CLIP1: variants seen among roughly 807,000 people sequenced by gnomAD.
The protein encoded by CLIP1 is CAP-Gly domain-containing linker protein 1.
Under a neutral mutation model 161.6 loss-of-function variants are expected in CLIP1, and 66 were observed. The observed-to-expected ratio is 0.41, with a 90% CI of 0.33 to 0.50. The LOEUF (loss-of-function observed/expected upper bound fraction) is 0.50. Among genes scored for constraint, CLIP1 ranks in the 20% least tolerant of loss-of-function variants. The probability of loss-of-function intolerance (pLI) is 0.27; values close to 1 mark genes in which losing one functional copy is unlikely to be tolerated. For synonymous variants in CLIP1, 598 were observed against 626.2 expected (o/e 0.96, Z 0.67); for missense variants, 1,376 against 1,702.0 (o/e 0.81, Z 3.37).
intron 23 of CLIP1, 85 bp from the exon 24 acceptor site, chr12:122,278,288 G>A: frequency 1.6e-6 from 2 of 1,252,912 alleles, no homozygotes; most frequent in Non-Finnish European, 2.3e-6. Context: ...GCAGTGAAAG[G>A]GCCTGTGTTC....
chr12:122,350,760 A>G (rs1387293990), intron 9 of CLIP1, among the ~76,000 whole-genome samples: 7 of 150,858 alleles, frequency 4.6e-5, no homozygotes, highest in Non-Finnish European at 1.0e-4. Flanking sequence ...CTCCAGCCAG[A>G]TATCATCTCT....
intron 7 of CLIP1, among the ~76,000 whole-genome samples, chr12:122,354,019 C>T (rs1040390665): frequency 6.6e-5 from 10 of 152,126 alleles, no homozygotes; most frequent in Admixed American, 5.2e-4. Context: ...TCACCTTCTG[C>T]TGGACACATA....
chr12:122,329,454 C>T (rs991450668), intron 15 of CLIP1, among the ~76,000 whole-genome samples: 1 of 151,818 alleles, frequency 6.6e-6, no homozygotes, highest in Non-Finnish European at 1.5e-5. Flanking sequence ...CACAGTGAAA[C>T]CCTCTCTCTA....
At chr12:122,385,752 A>C (rs1040365332) in intron 1 of CLIP1, among the ~76,000 whole-genome samples, 1 of 152,184 alleles carries the variant, frequency 6.6e-6, no homozygotes, top group Non-Finnish European at 1.5e-5. Flanking sequence ...TGAATGTTTG[A>C]AGGATGGAGA....
intron 1 of CLIP1, among the ~76,000 whole-genome samples, chr12:122,385,144 G>T (rs1257000440): frequency 6.6e-6 from 1 of 151,980 alleles, no homozygotes; most frequent in Admixed American, 6.6e-5. Flanking sequence ...TATTGGCCAG[G>T]ATGGTCTCAA....
chr12:122,315,798 G>A (rs947677198), intron 19 of CLIP1, among the ~76,000 whole-genome samples: 6 of 151,466 alleles, frequency 4.0e-5, no homozygotes, highest in African/African-American at 1.2e-4. Context: ...CCGCCACCAC[G>A]CCCGGCTAAT....
chr12:122,351,799 G>A lies in CLIP1; in HGVS notation c.1369-656C>T, dbSNP rs114479055. The stretch of plus-strand genomic sequence containing the variant: ...AAACCATCAAAACCATTTAATTCTG[G>A]TGTCTAATTTAAAAACTAATATGAA... On this transcript the variant is annotated intron_variant, in intron 8 of 25. Coordinates refer to ENST00000620786, the MANE Select transcript of CLIP1 (RefSeq NM_001247997.2). Among the ~76,000 whole-genome samples the A allele has an allele frequency of 2.3e-3, 323 of 140,384 alleles. 1 individual carries two copies. Among genetic ancestry groups the A allele is most frequent in the African/African-American group, 7.6e-3 (313 of 41,072 alleles). 92.1% of individuals were successfully genotyped at this position (140,384 alleles called of 152,430 possible).
chr12:122,331,076 A>G (rs1243396979), intron 15 of CLIP1, among the ~76,000 whole-genome samples: 1 of 149,518 alleles, frequency 6.7e-6, no homozygotes, highest in Non-Finnish European at 1.5e-5. Flanking sequence ...GTGCAATGGC[A>G]CTATCTCAGC....
chr12:122,287,335 A>T (rs1168758248), intron 21 of CLIP1, among the ~76,000 whole-genome samples: 2 of 152,210 alleles, frequency 1.3e-5, no homozygotes, highest in African/African-American at 4.8e-5. Flanking sequence ...GTGCTGCGTA[A>T]AACATACGCT....
chr12:122,395,216 C>G (rs896185479), intron 1 of CLIP1, among the ~76,000 whole-genome samples: 3 of 152,172 alleles, frequency 2.0e-5, no homozygotes, highest in African/African-American at 7.2e-5. Flanking sequence ...ACTTTCTATT[C>G]AACTGTGGAG....
chr12:122,288,512 A>G lies in CLIP1; in HGVS notation c.3624T>C (p.Asn1208=). The change falls in exon 21 of 26, where the codon AAT becomes AAC. Residue 1208 remains asparagine (N), a synonymous_variant. Coordinates refer to ENST00000620786, the MANE Select transcript of CLIP1 (RefSeq NM_001247997.2). ...ACCTTTTTTTCATTTCTAACAACTG[A>G]TTATTGAGCACAGATCTTTCTTCTT... is the stretch of plus-strand genomic sequence containing the variant. The part of the protein sequence containing the change: ...KLEEERSVLN[N]QLLEMKKRES... 7 of 1,608,144 alleles carry G rather than the reference A, an allele frequency of 4.4e-6. No homozygotes were observed. The highest frequency in any genetic ancestry group is 5.9e-6 in the Non-Finnish European group (7 of 1,179,800).
intron 6 of CLIP1, 43 bp from the exon 7 acceptor site, chr12:122,354,599 C>T (rs1158222216): frequency 6.7e-7 from 1 of 1,482,830 alleles, no homozygotes; most frequent in Admixed American, 1.7e-5. Flanking sequence ...ATTTCTGACC[C>T]AGATACAGAC....
At position 122,361,842 on chromosome 12, in the gene CLIP1, T is replaced by G. The variant is rs529174193; in HGVS notation, c.783-661A>C. 7.2e-5 allele frequency among the ~76,000 whole-genome samples: 11 copies of G among 151,850 alleles called. No homozygotes were observed. The South Asian group carries it at 2.3e-3, about 32-fold the overall frequency. ...TGGACTCTGTCTCAAAACAAACAAA[T>G]AAAAAACTCAAGTGATGGGCGCACC... is the stretch of plus-strand genomic sequence containing the variant. On this transcript the variant is annotated intron_variant, in intron 4 of 25. Coordinates refer to ENST00000620786, the MANE Select transcript of CLIP1 (RefSeq NM_001247997.2).
chr12:122,306,998 CTTTTTTTTTTTTTTT>C (rs56949793), intron 20 of CLIP1, among the ~76,000 whole-genome samples: 1 of 81,000 alleles, frequency 1.2e-5, no homozygotes, highest in Non-Finnish European at 2.2e-5. Flanking sequence ...GGTAAGTTCA[CTTTTTTTTTTTTTTT>C]TTTTTTTTTT....
rs571890783 is a variant in CLIP1 at position 122,362,458 on chromosome 12, T to C, written c.783-1277A>G. ...GAGATCGAGACCATCCTGTCCAACA[T>C]GGTGAAACCCAGTCTCTACTAAAAA... On this transcript the variant is annotated intron_variant, in intron 4 of 25. Transcript: ENST00000620786. 8.3e-4 allele frequency among the ~76,000 whole-genome samples: 125 copies of C among 150,172 alleles called. 2 individuals carry two copies. Among genetic ancestry groups the C allele is most frequent in the African/African-American group, 2.9e-3 (119 of 41,142 alleles).
At chr12:122,333,743 CA>C (rs1952090909) in intron 14 of CLIP1, among the ~76,000 whole-genome samples, 1 of 152,198 alleles carries the variant, frequency 6.6e-6, no homozygotes, top group African/African-American at 2.4e-5. Flanking sequence ...CCCCAAGGGT[CA>C]GCTGTCAGGG....
At chr12:122,334,867 G>T (rs901207756) in intron 12 of CLIP1, among the ~76,000 whole-genome samples, 162 bp from the exon 13 acceptor site, 2 of 152,096 alleles carry the variant, frequency 1.3e-5, no homozygotes, top group Admixed American at 6.5e-5. Flanking sequence ...CTACATGTGG[G>T]TCATAAACAT....
chr12:122,403,373 A>G (rs1383695472), intron 1 of CLIP1, among the ~76,000 whole-genome samples: 1 of 152,188 alleles, frequency 6.6e-6, no homozygotes, highest in Admixed American at 6.5e-5. Flanking sequence ...TGAAACTCAA[A>G]GCAAAATACA....
chr12:122,306,998 C>CTTTTT lies in CLIP1; in HGVS notation c.3594+2759_3594+2763dup, dbSNP rs56949793. On this transcript the variant is annotated intron_variant, in intron 20 of 25. Transcript: ENST00000620786. ...TATCTGTGTATCCTTGGTAAGTTCACTTTTTTTTTTTTTTTTTTTTTTTTT... is the reference window on the plus strand; with the variant it reads ...TATCTGTGTATCCTTGGTAAGTTCACTTTTTTTTTTTTTTTTTTTTTTTTTTTTTT... Among the ~76,000 whole-genome samples the CTTTTT allele has an allele frequency of 5.1e-4, 41 of 81,012 alleles. 7 individuals are homozygous for CTTTTT. The highest frequency in any genetic ancestry group is 9.1e-3 in the Middle Eastern group (1 of 110). 53.1% of individuals were successfully genotyped at this position (81,012 alleles called of 152,430 possible).
Sources: allele counts gnomAD v4.1 joint callset (sites outside exome capture counted in the v4.1 genomes callset), GRCh38; gene constraint gnomAD v4.1.1; transcripts MANE v1.5; gene names NCBI Gene and HGNC (gene_info 2026-07-23, HGNC 2026-07-21).